Variants in ITGA8 observed in about 807,000 individuals in gnomAD.
The protein encoded by ITGA8 is integrin alpha-8.
In ITGA8, 91 loss-of-function variants were observed where a neutral mutation model predicts 142.3. That is an observed-to-expected ratio of 0.64 (90% CI 0.54 to 0.76). The LOEUF (loss-of-function observed/expected upper bound fraction) is 0.76. Among genes scored for constraint, ITGA8 ranks in the 30% least tolerant of loss-of-function variants. The pLI is 0.00. For missense variants in ITGA8, 1,406 were observed against 1,327.7 expected, an observed-to-expected ratio of 1.06 and a Z score of -0.92; for synonymous variants, 505 against 485.2, an observed-to-expected ratio of 1.04 and a Z score of -0.54.
At chr10:15,707,239 T>C (rs1242573535) in intron 2 of ITGA8, among the ~76,000 whole-genome samples, 2 of 152,148 alleles carry the variant, frequency 1.3e-5, no homozygotes, top group African/African-American at 4.8e-5. Context: ...GATCTCAAAA[T>C]GGTACATTAT....
intron 2 of ITGA8, among the ~76,000 whole-genome samples, chr10:15,708,430 G>C (rs1399260698): frequency 6.6e-6 from 1 of 152,090 alleles, no homozygotes; most frequent in African/African-American, 2.4e-5. Flanking sequence ...TTGGGGGACT[G>C]AGTGTTGGTA....
intron 25 of ITGA8, among the ~76,000 whole-genome samples, 178 bp from the exon 26 acceptor site, chr10:15,558,380 C>T (rs1443396706): frequency 6.6e-6 from 1 of 152,144 alleles, no homozygotes; most frequent in Non-Finnish European, 1.5e-5. Context: ...GCACAAGGAA[C>T]AAGCTTTTCC....
Position 15,628,317 on chromosome 10 carries a change from T to C in ITGA8, c.1400-11758A>G, listed in dbSNP as rs376601405. ...TCACTTTATGGATTCACCTCTAATT[T>C]ATTTTGGTTTTTTTTTTTTTTTTTT... is the stretch of plus-strand genomic sequence containing the variant. On this transcript the variant is annotated intron_variant, in intron 13 of 29. Transcript: ENST00000378076. Among the ~76,000 whole-genome samples, 582 of 143,110 alleles carry C rather than the reference T, an allele frequency of 4.1e-3. 12 individuals carry two copies. The highest frequency in any genetic ancestry group is 0.014 in the African/African-American group (558 of 38,926). The allele number at this position is 143,110 out of a possible 152,430, so 93.9% of individuals were successfully genotyped here.
At chr10:15,662,142 G>T (rs1027876963) in intron 8 of ITGA8, among the ~76,000 whole-genome samples, 4 of 151,934 alleles carry the variant, frequency 2.6e-5, no homozygotes, top group Non-Finnish European at 5.9e-5. Context: ...CAACTCTAAG[G>T]AGTTATTAAA....
intron 27 of ITGA8, among the ~76,000 whole-genome samples, chr10:15,543,169 T>G (rs1833604827): frequency 6.6e-6 from 1 of 152,190 alleles, no homozygotes; most frequent in African/African-American, 2.4e-5. Flanking sequence ...TTGAGCCCCA[T>G]GAAAGTTAAG....
At chr10:15,642,727 G>A (rs1035347609) in intron 13 of ITGA8, among the ~76,000 whole-genome samples, 3 of 152,270 alleles carry the variant, frequency 2.0e-5, no homozygotes, top group East Asian at 1.9e-4. Flanking sequence ...CCACTATGAC[G>A]TCTCCATTAG....
intron 27 of ITGA8, among the ~76,000 whole-genome samples, chr10:15,536,577 A>G (rs1588630663): frequency 6.6e-6 from 1 of 152,206 alleles, no homozygotes; most frequent in Non-Finnish European, 1.5e-5. Flanking sequence ...CCATATAGCA[A>G]TCTACTCATG....
rs74261032 is a variant in ITGA8, at chr10:15,680,773, ATT to A, written c.569-1992_569-1991del. Among the ~76,000 whole-genome samples the A allele has an allele frequency of 9.1e-5, 13 of 143,222 alleles. No individual in the cohort carries two copies. The East Asian group carries it at 1.2e-3, about 13-fold the overall frequency. 94.0% of individuals were successfully genotyped at this position (143,222 alleles called of 152,430 possible). A position where few individuals can be genotyped will look rare whatever the true frequency, so the allele number is the denominator to read the frequency against. On this transcript the variant is annotated intron_variant, in intron 4 of 29. Coordinates refer to ENST00000378076, the MANE Select transcript of ITGA8 (RefSeq NM_003638.3). ...TGAAAAAAATTAAGAGAAAACATTC[ATT>A]TTTTTTTTTTTTACAAAATACACTG... is the stretch of plus-strand genomic sequence containing the variant.
chr10:15,617,510 T>G (rs4748187), intron 13 of ITGA8, among the ~76,000 whole-genome samples: 28,031 of 152,048 alleles, frequency 0.18, 3,312 homozygotes, highest in Admixed American at 0.3. Flanking sequence ...GTGATTCTCC[T>G]GCCTCAGCCT....
intron 26 of ITGA8, among the ~76,000 whole-genome samples, chr10:15,549,785 A>G (rs1345347202): frequency 6.6e-6 from 1 of 152,262 alleles, no homozygotes; most frequent in East Asian, 1.9e-4. Flanking sequence ...GAATAATCCA[A>G]GGAACATATT....
intron 28 of ITGA8, among the ~76,000 whole-genome samples, chr10:15,525,542 C>T (rs7093611): frequency 0.96 from 145,455 of 151,278 alleles, 70,156 homozygotes; most frequent in Non-Finnish European, 1. Flanking sequence ...CTAGGGAGGC[C>T]GAGGTAGGAG....
At chr10:15,549,217 T>A (rs78824027) in intron 26 of ITGA8, among the ~76,000 whole-genome samples, 1 of 36,978 alleles carries the variant, frequency 2.7e-5, no homozygotes. Flanking sequence ...TTTTTTTTTT[T>A]TTTTTTTTTT....
intron 27 of ITGA8, among the ~76,000 whole-genome samples, chr10:15,540,150 A>G (rs1833539967): frequency 6.6e-6 from 1 of 152,226 alleles, no homozygotes; most frequent in Non-Finnish European, 1.5e-5. Flanking sequence ...TAATACAATT[A>G]CAAATCTTCC....
chr10:15,589,985 A>T (rs1029934144), intron 22 of ITGA8, among the ~76,000 whole-genome samples: 2 of 151,814 alleles, frequency 1.3e-5, no homozygotes, highest in Admixed American at 1.3e-4. Context: ...CTGGTCTCGA[A>T]CTCCTGACCT....
chr10:15,600,394 G>C (rs1417448575), intron 20 of ITGA8, among the ~76,000 whole-genome samples: 1 of 152,198 alleles, frequency 6.6e-6, no homozygotes, highest in East Asian at 1.9e-4. Context: ...ATTATTATTT[G>C]AAGGATGAGT....
At chr10:15,524,443 A>G (rs750791323) in intron 28 of ITGA8, among the ~76,000 whole-genome samples, 3 of 152,232 alleles carry the variant, frequency 2.0e-5, no homozygotes, top group Non-Finnish European at 4.4e-5. Context: ...GTGTTCAGAC[A>G]TATTTCTCTG....
At chr10:15,677,132 C>A (rs1195256829) in intron 6 of ITGA8, among the ~76,000 whole-genome samples, 2 of 152,106 alleles carry the variant, frequency 1.3e-5, no homozygotes, top group African/African-American at 4.8e-5. Flanking sequence ...TTACTAGAGG[C>A]AAGGATGAAT....
intron 23 of ITGA8, among the ~76,000 whole-genome samples, chr10:15,576,885 A>G (rs1193195851): frequency 6.6e-6 from 1 of 152,220 alleles, no homozygotes; most frequent in Non-Finnish European, 1.5e-5. Context: ...TGTTAAGAAG[A>G]ACAGGGCACA....
intron 12 of ITGA8, among the ~76,000 whole-genome samples, chr10:15,645,370 G>A (rs1833961944): frequency 6.6e-6 from 1 of 151,814 alleles, no homozygotes; most frequent in South Asian, 2.1e-4. Context: ...ACTATTAAAG[G>A]TTTGAGAGAA....
Sources: gnomAD v4.1 joint callset for allele counts (sites outside exome capture counted in the v4.1 genomes callset) on GRCh38, gnomAD v4.1.1 for gene constraint, MANE v1.5 for transcripts, NCBI Gene and HGNC (gene_info 2026-07-23, HGNC 2026-07-21) for gene names.